The following CSF1R variants were observed in gnomAD, a reference collection of about 807,000 sequenced individuals.
CSF1R encodes the protein colony stimulating factor 1 receptor, also known as macrophage colony-stimulating factor 1 receptor.
Under a neutral mutation model 110.0 loss-of-function variants are expected in CSF1R, and 40 were observed. The observed-to-expected ratio is 0.36, with a 90% CI of 0.28 to 0.47. CSF1R has a LOEUF of 0.47. Ranked by LOEUF, CSF1R falls within the 20% of genes least tolerant of loss-of-function variation. The pLI is 0.99. For missense variants in CSF1R, 1,052 were observed against 1,253.0 expected (o/e 0.84, Z 2.42); for synonymous variants, 523 against 503.4 (o/e 1.04, Z -0.52).
At chr5:150,083,513 A>C (rs1758658797) in intron 1 of CSF1R, among the ~76,000 whole-genome samples, 1 of 151,782 alleles carries the variant, frequency 6.6e-6, no homozygotes, top group Admixed American at 6.6e-5. Flanking sequence ...CAGTCTCCTC[A>C]CAGTGGCCCC....
At chr5:150,106,542 C>A (rs79876951) in intron 1 of CSF1R, among the ~76,000 whole-genome samples, 1,621 of 152,260 alleles carry the variant, frequency 0.011, 21 homozygotes, top group African/African-American at 0.038. Flanking sequence ...CAACTGGTTC[C>A]TCTTTGACCC....
chr5:150,105,363 AAT>A (rs1299956729), intron 1 of CSF1R, among the ~76,000 whole-genome samples: 20 of 88,182 alleles, frequency 2.3e-4, no homozygotes, highest in East Asian at 7.4e-4. Context: ...AAAAAAAAAA[AAT>A]ATATATATAT....
chr5:150,103,064 A>G (rs1167512884), intron 1 of CSF1R, among the ~76,000 whole-genome samples: 1 of 152,354 alleles, frequency 6.6e-6, no homozygotes, highest in African/African-American at 2.4e-5. Context: ...GCATAGCTCT[A>G]TTGCATAGAT....
At chr5:150,094,403 A>C in intron 1 of CSF1R, 1 of 1,598,360 alleles carries the variant, frequency 6.3e-7, no homozygotes, top group East Asian at 2.2e-5. Context: ...AGCGCCTGAG[A>C]AAGAAGTTTG....
At position 150,056,326 on chromosome 5, in the gene CSF1R, C is replaced by A; in HGVS notation, c.2335G>T (p.Val779Leu). ...LASKNCIHRD[V>L]AARNVLLTNG... ...GTCAACAGCACGTTACGCGCTGCCA[C>A]GTCCCGGTGGATGCACTGAGGGAAA... The change falls in exon 17 of 21, where the codon GTG becomes TTG. Residue 779 changes from valine (V) to leucine (L), a missense_variant. Coordinates refer to ENST00000675795, the MANE Select transcript of CSF1R (RefSeq NM_001288705.3). 6.2e-7 allele frequency: 1 copy of A among 1,614,204 alleles called. No homozygotes were observed.
At chr5:150,078,326 GC>G in intron 3 of CSF1R, 78 bp from the exon 4 acceptor site, 1 of 1,549,032 alleles carries the variant, frequency 6.5e-7, no homozygotes, top group Non-Finnish European at 8.7e-7. Flanking sequence ...CCTGCCATGG[GC>G]CAGGACACAC....
At chr5:150,061,972 AAGGCCTGCTCT>A in intron 10 of CSF1R, 123 bp from the exon 11 acceptor site, 1 of 1,334,764 alleles carries the variant, frequency 7.5e-7, no homozygotes, top group African/African-American at 1.4e-5. Context: ...AAGGCAGGGC[AAGGCCTGCTCT>A]GGGCTGAGAG....
intron 1 of CSF1R, among the ~76,000 whole-genome samples, chr5:150,105,131 G>A (rs867356539): frequency 1.3e-5 from 2 of 151,456 alleles, no homozygotes; most frequent in African/African-American, 2.4e-5. Flanking sequence ...GGTGGATCAC[G>A]AGATCAGGAG....
chr5:150,100,805 G>GA (rs962675750), intron 1 of CSF1R, among the ~76,000 whole-genome samples: 16 of 148,634 alleles, frequency 1.1e-4, no homozygotes, highest in Middle Eastern at 3.4e-3. Context: ...GCTCAAACTG[G>GA]AAAAAAAAAT....
At chr5:150,069,014 ATAATCCCCACAAAGAGC>A (rs1186883238) in intron 9 of CSF1R, among the ~76,000 whole-genome samples, 1 of 152,276 alleles carries the variant, frequency 6.6e-6, no homozygotes, top group Middle Eastern at 3.4e-3. Context: ...GTTAATCGAG[ATAATCCCCACAAAGAGC>A]TTAACACAGT....
chr5:150,060,914 G>A lies in CSF1R; in HGVS notation c.1917C>T (p.His639=). Residue 639 remains histidine (H), a synonymous_variant, in exon 13 of 21, where the codon CAC becomes CAT. Coordinates refer to ENST00000675795, the MANE Select transcript of CSF1R (RefSeq NM_001288705.3). ...ALMSELKIMS[H]LGQHENIVNL... ...TGACGATGTTCTCGTGCTGGCCCAGGTGGCTCATGATCTTCAGCTCGGACA... is the reference window on the plus strand; with the variant it reads ...TGACGATGTTCTCGTGCTGGCCCAGATGGCTCATGATCTTCAGCTCGGACA... 7 of 1,611,636 alleles carry A rather than the reference G, an allele frequency of 4.3e-6. No homozygotes were observed. The highest frequency in any genetic ancestry group is 5.9e-6 in the Non-Finnish European group (7 of 1,178,962).
In CSF1R at chr5:150,077,382, C is replaced by T; in HGVS notation, c.783G>A (p.Leu261=). The T allele has an allele frequency of 6.2e-7, 1 of 1,614,082 alleles. No homozygotes were observed. The highest frequency in any genetic ancestry group is 8.5e-7 in the Non-Finnish European group (1 of 1,180,014). Residue 261 remains leucine (L), a synonymous_variant, in exon 5 of 21, where the codon CTG becomes CTA. Coordinates refer to ENST00000675795, the MANE Select transcript of CSF1R (RefSeq NM_001288705.3). The part of the protein sequence containing the change: ...DFHNNRYQKV[L]TLNLDQVDFQ... Reference sequence around the variant, plus strand: ...AATCTACTTGATCGAGGTTGAGGGTCAGGACTTTTTGGTAACGGTTATTAT... The same window carrying T: ...AATCTACTTGATCGAGGTTGAGGGTTAGGACTTTTTGGTAACGGTTATTAT...
In CSF1R at chr5:150,081,022, G is replaced by C. The variant is rs1758518163; in HGVS notation, c.52C>G (p.Gln18Glu). ...LLLVATAWHGQGIPVIEPSVP... is the reference protein window; with the variant it reads ...LLLVATAWHGEGIPVIEPSVP... ...CTGGGCTCTATCACTGGGATTCCCTGACCTGGTGGGAGAGAGGGACAGCAG... is the reference window on the plus strand; with the variant it reads ...CTGGGCTCTATCACTGGGATTCCCTCACCTGGTGGGAGAGAGGGACAGCAG... Residue 18 changes from glutamine to glutamate, a missense_variant and splice_region_variant, in exon 2 of 21, where the codon CAG (glutamine) becomes GAG (glutamate). Gln to Glu is a conservative substitution (Grantham distance 29). This residue lies in a region of CSF1R where 693 missense variants were observed against 735.4 expected (regional missense o/e 0.94). Coordinates refer to ENST00000675795, the MANE Select transcript of CSF1R (RefSeq NM_001288705.3). 6.2e-7 allele frequency: 1 copy of C among 1,613,678 alleles called. No individual in the cohort carries two copies. The highest frequency in any genetic ancestry group is 1.7e-5 in the Admixed American group (1 of 59,984).
chr5:150,101,589 G>A (rs748960031), intron 1 of CSF1R, among the ~76,000 whole-genome samples: 17 of 151,792 alleles, frequency 1.1e-4, no homozygotes, highest in Non-Finnish European at 1.9e-4. Flanking sequence ...GCCACCAGCC[G>A]TCACGGGACC....
At chr5:150,098,900 T>TC (rs1357090611) in intron 1 of CSF1R, among the ~76,000 whole-genome samples, 2 of 148,972 alleles carry the variant, frequency 1.3e-5, no homozygotes, top group Non-Finnish European at 3.0e-5. Flanking sequence ...CTTTTTTTTT[T>TC]TTTTTTTTTT....
chr5:150,057,950 C>T (rs904387305), intron 14 of CSF1R, among the ~76,000 whole-genome samples: 2 of 152,182 alleles, frequency 1.3e-5, no homozygotes, highest in African/African-American at 4.8e-5. Context: ...TATTCTAGGG[C>T]CCCTTGTGCC....
intron 1 of CSF1R, among the ~76,000 whole-genome samples, chr5:150,108,730 C>A (rs1759622593): frequency 6.6e-6 from 1 of 152,136 alleles, no homozygotes; most frequent in Non-Finnish European, 1.5e-5. Flanking sequence ...AATCTAAAAC[C>A]AGAGACTGTG....
chr5:150,054,056 TGTC>T lies in CSF1R; in HGVS notation c.*10_*12del. 1.2e-5 allele frequency: 19 copies of T among 1,613,738 alleles called. No homozygotes were observed. Among genetic ancestry groups the T allele is most frequent in the Non-Finnish European group, 1.5e-5 (18 of 1,179,810 alleles). ...TGTGGGAGGGGAGAGTGGTACTCCCTGTCGTCAACTCCTCAGCAGAACTGATAG... is the reference window on the plus strand; with the variant it reads ...TGTGGGAGGGGAGAGTGGTACTCCCTGTCAACTCCTCAGCAGAACTGATAG... On this transcript the variant is annotated 3_prime_UTR_variant, in exon 21 of 21. Transcript: ENST00000675795.
Position 150,054,212 on chromosome 5 carries a change from G to A in CSF1R, c.2776C>T (p.Leu926=), listed in dbSNP as rs1402288642. ...CCACCGCTTCTGCTGCTGCTCGGCA[G>A]ATTGGTATAGTCCTGAGGGTGGGAG... ...EDRRERDYTN[L]PSSSRSGGSG... is the part of the protein sequence containing the mutation. Residue 926 remains leucine (L), a synonymous_variant, in exon 21 of 21, where the codon CTG becomes TTG. Coordinates refer to ENST00000675795, the MANE Select transcript of CSF1R (RefSeq NM_001288705.3). 1 of 1,612,242 alleles carries A rather than the reference G, an allele frequency of 6.2e-7. No individual in the cohort carries two copies. The highest frequency in any genetic ancestry group is 8.5e-7 in the Non-Finnish European group (1 of 1,179,204).
Sources: allele counts gnomAD v4.1 joint callset (sites outside exome capture counted in the v4.1 genomes callset), GRCh38; gene constraint gnomAD v4.1.1; regional missense constraint gnomAD v4.1.1; transcripts MANE v1.5; gene names NCBI Gene and HGNC (gene_info 2026-07-23, HGNC 2026-07-21).